Variants in ALG14 observed in about 807,000 individuals in gnomAD.
The protein encoded by ALG14 is ALG14 UDP-N-acetylglucosaminyltransferase subunit.
A neutral mutation model predicts 22.8 loss-of-function variants in ALG14; 17 were observed. The ratio of observed to expected loss-of-function variants is 0.75; its 90% CI spans 0.51 to 1.12. The LOEUF is 1.12. ALG14 is among the 50% of genes most tolerant of loss of function. ALG14 has a pLI of 0.00. For synonymous variants in ALG14, 89 were observed against 103.7 expected (o/e 0.86, Z 0.86); for missense variants, 288 against 271.8 (o/e 1.06, Z -0.42).
At chr1:95,024,626 G>A (rs1453419219) in intron 3 of ALG14, among the ~76,000 whole-genome samples, 1 of 152,154 alleles carries the variant, frequency 6.6e-6, no homozygotes. Flanking sequence ...GGATTTTTCT[G>A]GGTCAAGTGA....
intron 3 of ALG14, among the ~76,000 whole-genome samples, chr1:95,012,552 T>C (rs1429171101): frequency 6.6e-6 from 1 of 152,220 alleles, no homozygotes; most frequent in Non-Finnish European, 1.5e-5. Context: ...GAAACACAAA[T>C]GCCAGATTTG....
intron 2 of ALG14, among the ~76,000 whole-genome samples, chr1:95,051,452 C>G (rs1557648676): frequency 6.6e-6 from 1 of 152,160 alleles, no homozygotes; most frequent in East Asian, 1.9e-4. Context: ...CTCTAAACCC[C>G]TCTCCCTGCT....
intron 3 of ALG14, among the ~76,000 whole-genome samples, chr1:95,022,921 G>A (rs1043884942): frequency 4.6e-5 from 7 of 152,126 alleles, no homozygotes; most frequent in African/African-American, 1.7e-4. Flanking sequence ...GTTCCTGTAA[G>A]GGTTCTGGCA....
chr1:94,988,251 A>C (rs1672690203), intron 3 of ALG14, among the ~76,000 whole-genome samples: 3 of 152,254 alleles, frequency 2.0e-5, no homozygotes, highest in African/African-American at 7.2e-5. Context: ...AAAGAGAAGA[A>C]GCTTGGCTGT....
intron 1 of ALG14, among the ~76,000 whole-genome samples, chr1:95,066,711 T>C (rs914768610): frequency 6.6e-6 from 1 of 152,196 alleles, no homozygotes; most frequent in Admixed American, 6.5e-5. Context: ...ATACTCATTT[T>C]AGTATCTTTG....
At chr1:95,038,254 G>A (rs1313884556) in intron 2 of ALG14, among the ~76,000 whole-genome samples, 5 of 152,306 alleles carry the variant, frequency 3.3e-5, no homozygotes, top group Admixed American at 2.0e-4. Flanking sequence ...TTGGGAGGCC[G>A]AGGTGTTTGG....
At chr1:94,997,253 T>C (rs1183439304) in intron 3 of ALG14, among the ~76,000 whole-genome samples, 4 of 152,090 alleles carry the variant, frequency 2.6e-5, no homozygotes, top group Non-Finnish European at 4.4e-5. Context: ...TAGGGCCTCA[T>C]TGGTGGGGCT....
intron 3 of ALG14, among the ~76,000 whole-genome samples, chr1:95,010,374 T>A (rs1231501515): frequency 1.3e-5 from 2 of 152,220 alleles, no homozygotes; most frequent in Non-Finnish European, 2.9e-5. Context: ...CAGCTGAAGT[T>A]TGACTCATTT....
chr1:95,049,522 G>A (rs1354766869), intron 2 of ALG14, among the ~76,000 whole-genome samples: 1 of 151,878 alleles, frequency 6.6e-6, no homozygotes, highest in Non-Finnish European at 1.5e-5. Flanking sequence ...GTGACAGAGT[G>A]AGACCCTGCC....
Position 95,069,750 on chromosome 1 carries a change from C to T in ALG14, c.136+3013G>A, listed in dbSNP as rs1033678715. On this transcript the variant is annotated intron_variant, in intron 1 of 3. Coordinates refer to ENST00000370205, the MANE Select transcript of ALG14 (RefSeq NM_144988.4). Reference sequence around the variant, plus strand: ...TTCTCCTGTCCTCTGTCTCTCAGTCCCATACTCCCCTGAGGCTTGCCATAG... The same window carrying T: ...TTCTCCTGTCCTCTGTCTCTCAGTCTCATACTCCCCTGAGGCTTGCCATAG... Among the ~76,000 whole-genome samples the T allele has an allele frequency of 1.2e-4, 19 of 152,270 alleles. No individual in the cohort carries two copies. The South Asian group carries it at 1.7e-3, about 13-fold the overall frequency.
intron 2 of ALG14, among the ~76,000 whole-genome samples, chr1:95,058,528 A>T (rs888981075): frequency 1.3e-5 from 2 of 150,256 alleles, no homozygotes; most frequent in African/African-American, 4.9e-5. Flanking sequence ...GAGTCAGGAG[A>T]CTCACTTGAA....
intron 1 of ALG14, among the ~76,000 whole-genome samples, chr1:95,066,677 GC>G (rs1405998194): frequency 6.6e-6 from 1 of 152,088 alleles, no homozygotes; most frequent in Non-Finnish European, 1.5e-5. Flanking sequence ...CTTGACTGGG[GC>G]ATATAATTTA....
At chr1:95,071,504 C>T (rs1675564663) in intron 1 of ALG14, among the ~76,000 whole-genome samples, 3 of 152,140 alleles carry the variant, frequency 2.0e-5, no homozygotes, top group South Asian at 4.1e-4. Context: ...GACTGCGCCA[C>T]TGCCCTCCAG....
chr1:94,992,991 G>T (rs1007230360), intron 3 of ALG14, among the ~76,000 whole-genome samples: 11 of 151,294 alleles, frequency 7.3e-5, no homozygotes, highest in Admixed American at 5.3e-4. Context: ...TGGAACAAAG[G>T]CCAGAGCCTT....
Position 95,071,987 on chromosome 1 carries a change from G to A in ALG14, c.136+776C>T, listed in dbSNP as rs557783852. The stretch of plus-strand genomic sequence containing the variant: ...GCACGGAGTCAGCACTCCGTGGCAA[G>A]TAATGTTAGTCAGTTTTGTTATTTC... On this transcript the variant is annotated intron_variant, in intron 1 of 3. Transcript: ENST00000370205. 7.2e-5 allele frequency among the ~76,000 whole-genome samples: 11 copies of A among 152,352 alleles called. 2 individuals carry two copies. Among genetic ancestry groups the A allele is most frequent in the African/African-American group, 2.6e-4 (11 of 41,584 alleles).
intron 2 of ALG14, among the ~76,000 whole-genome samples, chr1:95,049,828 G>A (rs1046038438): frequency 6.6e-6 from 1 of 150,752 alleles, no homozygotes; most frequent in Non-Finnish European, 1.5e-5. Context: ...CCATGATTGA[G>A]CCACTGCACT....
intron 2 of ALG14, among the ~76,000 whole-genome samples, chr1:95,038,015 A>G (rs962237929): frequency 6.6e-6 from 1 of 152,218 alleles, no homozygotes; most frequent in African/African-American, 2.4e-5. Context: ...AATATGAGAC[A>G]ATTATTAAAT....
At position 95,064,931 on chromosome 1, in the gene ALG14, C is replaced by A; in HGVS notation, c.223G>T (p.Glu75Ter). ...GAATTTATTTTATTGGCACTCATTT[C>A]ATCAGTGTCAGCAATGACATAATGT... is the stretch of plus-strand genomic sequence containing the variant. ...PRHYVIADTDEMSANKINSFE... is the reference protein window; with the variant it reads ...PRHYVIADTD The change falls in exon 2 of 4, where the codon GAA becomes TAA. Residue 75 changes from glutamate (E) to a stop codon, truncating the protein, a stop_gained. Transcript: ENST00000370205. LOFTEE classifies it high-confidence loss of function. 1 of 1,613,868 alleles carries A rather than the reference C, an allele frequency of 6.2e-7. No homozygotes were observed. Among genetic ancestry groups the A allele is most frequent in the Non-Finnish European group, 8.5e-7 (1 of 1,179,788 alleles).
Position 94,976,695 on chromosome 1 carries a change from G to C in ALG14, c.*6381C>G, listed in dbSNP as rs75981115. 7.1e-6 allele frequency: 1 copy of C among 140,390 alleles called. No individual in the cohort carries two copies. The highest frequency in any genetic ancestry group is 1.6e-5 in the Non-Finnish European group (1 of 64,500). 8.7% of individuals were successfully genotyped at this position (140,390 alleles called of 1,614,324 possible). On this transcript the variant is annotated 3_prime_UTR_variant, in exon 4 of 4. Transcript: ENST00000370205. ...TGACAGAGTGAGACTCCGTCTTAAA[G>C]AAAAAAAAAAAAGATGTCCCCTAAT...
Sources: allele counts gnomAD v4.1 joint callset (sites outside exome capture counted in the v4.1 genomes callset), GRCh38; gene constraint gnomAD v4.1.1; transcripts MANE v1.5; gene names NCBI Gene and HGNC (gene_info 2026-07-23, HGNC 2026-07-21).